Variants in RIT2 observed in about 807,000 individuals in gnomAD.
RIT2 encodes Ras like without CAAX 2, also known as GTP-binding protein Rit2.
A neutral mutation model predicts 23.7 loss-of-function variants in RIT2; 24 were observed. That is an observed-to-expected ratio of 1.01 (90% CI 0.73 to 1.43). RIT2 has a LOEUF of 1.43. Among genes scored for constraint, RIT2 ranks in the 40% most tolerant of loss-of-function variants. RIT2 has a pLI of 0.00. For missense variants in RIT2, 236 were observed against 266.9 expected, an observed-to-expected ratio of 0.88 and a Z score of 0.81; for synonymous variants, 107 against 91.1, an observed-to-expected ratio of 1.17 and a Z score of -0.99.
chr18:43,088,803 G>A (rs1598778730), intron 1 of RIT2, among the ~76,000 whole-genome samples: 2 of 152,190 alleles, frequency 1.3e-5, no homozygotes, highest in Admixed American at 6.6e-5. Context: ...GACCTTATTG[G>A]AACATATCTA....
At chr18:42,912,824 G>A (rs1420177353) in intron 4 of RIT2, among the ~76,000 whole-genome samples, 3 of 151,884 alleles carry the variant, frequency 2.0e-5, no homozygotes, top group Non-Finnish European at 2.9e-5. Flanking sequence ...ACTCAACATA[G>A]CAAAGATGTC....
intron 4 of RIT2, among the ~76,000 whole-genome samples, chr18:42,773,202 T>C (rs1913592168): frequency 6.6e-6 from 1 of 152,212 alleles, no homozygotes; most frequent in Admixed American, 6.5e-5. Context: ...TCCTGATATT[T>C]ATGAACTGAT....
chr18:42,773,407 A>G (rs2143918569), intron 4 of RIT2, among the ~76,000 whole-genome samples: 1 of 152,300 alleles, frequency 6.6e-6, no homozygotes, highest in Non-Finnish European at 1.5e-5. Flanking sequence ...AAAACAGTTC[A>G]TTTTCTAGAT....
chr18:42,900,033 T>C (rs1475385820), intron 4 of RIT2, among the ~76,000 whole-genome samples: 1 of 152,000 alleles, frequency 6.6e-6, no homozygotes. Flanking sequence ...TTAATGAAAA[T>C]GGACCACCAG....
chr18:42,788,834 C>T (rs1413283457), intron 4 of RIT2, among the ~76,000 whole-genome samples: 1 of 152,100 alleles, frequency 6.6e-6, no homozygotes, highest in Non-Finnish European at 1.5e-5. Flanking sequence ...GTGCTCTAAA[C>T]AAAGTGGCTA....
chr18:42,896,280 AG>A (rs1908328549), intron 4 of RIT2, among the ~76,000 whole-genome samples: 1 of 152,212 alleles, frequency 6.6e-6, no homozygotes, highest in African/African-American at 2.4e-5. Context: ...AAATAAAAAA[AG>A]TTTGTTTTCC....
chr18:42,777,326 C>A (rs1041329707), intron 4 of RIT2, among the ~76,000 whole-genome samples: 6 of 150,282 alleles, frequency 4.0e-5, no homozygotes, highest in Admixed American at 2.0e-4. Context: ...GGACTGGAGA[C>A]ATAAATTTGG....
chr18:42,815,404 C>A (rs1465901411), intron 4 of RIT2, among the ~76,000 whole-genome samples: 1 of 152,116 alleles, frequency 6.6e-6, no homozygotes, highest in African/African-American at 2.4e-5. Flanking sequence ...CAAATTAACT[C>A]AATCCAACAA....
At chr18:42,860,644 T>C (rs16977068) in intron 4 of RIT2, among the ~76,000 whole-genome samples, 7,551 of 152,246 alleles carry the variant, frequency 0.05, 576 homozygotes, top group East Asian at 0.32. Context: ...GGAGGAGTGC[T>C]ACCTATTTTA....
intron 1 of RIT2, among the ~76,000 whole-genome samples, chr18:43,105,335 A>G (rs1199741618): frequency 3.3e-5 from 5 of 151,966 alleles, no homozygotes; most frequent in Non-Finnish European, 7.4e-5. Context: ...CAGTTTTACA[A>G]TATTCAACCC....
chr18:43,087,086 C>T (rs181707883), intron 1 of RIT2, among the ~76,000 whole-genome samples: 45 of 152,024 alleles, frequency 3.0e-4, no homozygotes, highest in African/African-American at 9.2e-4. Flanking sequence ...CCTGTCTCTA[C>T]TAAAAATACA....
intron 2 of RIT2, among the ~76,000 whole-genome samples, chr18:43,008,465 T>A (rs1911274727): frequency 6.6e-6 from 1 of 151,356 alleles, no homozygotes; most frequent in Non-Finnish European, 1.5e-5. Flanking sequence ...CAAAGAGAGC[T>A]TTGGGGTAAC....
chr18:42,963,278 A>G (rs940659812), intron 3 of RIT2, among the ~76,000 whole-genome samples: 3 of 152,226 alleles, frequency 2.0e-5, no homozygotes, highest in Non-Finnish European at 2.9e-5. Flanking sequence ...TTCTTCTGCA[A>G]TTGATTGAAA....
intron 3 of RIT2, among the ~76,000 whole-genome samples, chr18:42,940,492 A>C (rs1909575765): frequency 6.6e-6 from 1 of 151,448 alleles, no homozygotes; most frequent in Admixed American, 6.6e-5. Flanking sequence ...TTGTTGGCCT[A>C]TCACACCGTA....
At chr18:43,110,802 G>A (rs1351535528) in intron 1 of RIT2, among the ~76,000 whole-genome samples, 1 of 152,004 alleles carries the variant, frequency 6.6e-6, no homozygotes, top group East Asian at 1.9e-4. Context: ...ATATATGTGT[G>A]TTGTTTCTTA....
chr18:42,952,137 T>G (rs1296448865), intron 3 of RIT2, among the ~76,000 whole-genome samples: 2 of 152,126 alleles, frequency 1.3e-5, no homozygotes, highest in Admixed American at 1.3e-4. Flanking sequence ...GAGCTTCAAT[T>G]CAAGATGAGA....
At chr18:42,814,959 C>T (rs1905953942) in intron 4 of RIT2, among the ~76,000 whole-genome samples, 1 of 152,096 alleles carries the variant, frequency 6.6e-6, no homozygotes, top group Non-Finnish European at 1.5e-5. Flanking sequence ...AAGTCACATC[C>T]ATAGGAAAAT....
chr18:43,026,898 G>A (rs1296429179), intron 2 of RIT2, among the ~76,000 whole-genome samples: 2 of 151,984 alleles, frequency 1.3e-5, no homozygotes, highest in Admixed American at 6.6e-5. Flanking sequence ...AAGGGAATGT[G>A]GAGAGAGACA....
chr18:43,115,268 A>C, intron 1 of RIT2, 149 bp downstream of exon 1: 2 of 934,872 alleles, frequency 2.1e-6, no homozygotes, highest in Non-Finnish European at 3.2e-6. Flanking sequence ...AACAGTCCTG[A>C]CACTTTGGAG....
Sources: gnomAD v4.1 joint callset for allele counts (sites outside exome capture counted in the v4.1 genomes callset) on GRCh38, gnomAD v4.1.1 for gene constraint, MANE v1.5 for transcripts, NCBI Gene and HGNC (gene_info 2026-07-23, HGNC 2026-07-21) for gene names.